CRYM: variants seen among roughly 807,000 people sequenced by gnomAD.
CRYM encodes ketimine reductase mu-crystallin.
In CRYM, 18 loss-of-function variants were observed where a neutral mutation model predicts 32.9. The ratio of observed to expected loss-of-function variants is 0.55; its 90% CI spans 0.38 to 0.81. The LOEUF (loss-of-function observed/expected upper bound fraction) is 0.81. CRYM is among the 30% of genes least tolerant of loss of function. The probability of loss-of-function intolerance (pLI) is 0.00; values close to 1 mark genes in which losing one functional copy is unlikely to be tolerated. For missense variants in CRYM, 337 were observed against 393.5 expected, an observed-to-expected ratio of 0.86 and a Z score of 1.21; for synonymous variants, 153 against 152.4, an observed-to-expected ratio of 1.00 and a Z score of -0.03.
intron 1 of CRYM, among the ~76,000 whole-genome samples, chr16:21,286,597 C>T (rs745617966): frequency 2.0e-5 from 3 of 151,944 alleles, no homozygotes; most frequent in Admixed American, 1.3e-4. Flanking sequence ...TAATGATTAC[C>T]GATAACATAT....
intron 7 of CRYM, among the ~76,000 whole-genome samples, chr16:21,260,731 G>A (rs892083569): frequency 6.6e-6 from 1 of 152,188 alleles, no homozygotes; most frequent in Non-Finnish European, 1.5e-5. Context: ...CAGGTGGTAG[G>A]GGGCTCCCCA....
chr16:21,262,881 C>A (rs1278588754), intron 5 of CRYM, among the ~76,000 whole-genome samples: 1 of 152,158 alleles, frequency 6.6e-6, no homozygotes, highest in Non-Finnish European at 1.5e-5. Flanking sequence ...GAATCCAGGT[C>A]TGAGAGAGCA....
In CRYM at chr16:21,278,117, G is replaced by T. The variant is rs1180636969; in HGVS notation, c.135C>A (p.Pro45=). Reference sequence around the variant, plus strand: ...TGGTCACCGGCACCACGGTGCGCACGGGCTGCATGACCCCTCCTTCGGGAC... The same window carrying T: ...TGGTCACCGGCACCACGGTGCGCACTGGCTGCATGACCCCTCCTTCGGGAC... The part of the protein sequence containing the change: ...SSGPEGGVMQ[P]VRTVVPVTKH... The change falls in exon 1 of 8, where the codon CCC becomes CCA. Residue 45 remains proline, a synonymous_variant. Coordinates refer to ENST00000572914, the MANE Select transcript of CRYM (RefSeq NM_001376256.1). 2 of 1,548,650 alleles carry T rather than the reference G, an allele frequency of 1.3e-6. No homozygotes were observed. The highest frequency in any genetic ancestry group is 4.9e-5 in the East Asian group (2 of 40,898).
chr16:21,301,274 TGGG>T (rs1488517724), intron 1 of CRYM: 1 of 152,332 alleles, frequency 6.6e-6, no homozygotes, highest in East Asian at 1.9e-4. Flanking sequence ...CGGAGAAATG[TGGG>T]GTCGTCCAGG....
chr16:21,273,028 G>A (rs1298095752), intron 3 of CRYM, among the ~76,000 whole-genome samples: 2 of 151,786 alleles, frequency 1.3e-5, no homozygotes, highest in East Asian at 3.9e-4. Context: ...CTACATGAGG[G>A]CAAGTACTGT....
At position 21,301,843 on chromosome 16, in the gene CRYM, C is replaced by G. The variant is rs374069993; in HGVS notation, c.-193+1135G>C. 2.2e-4 allele frequency among the ~76,000 whole-genome samples: 33 copies of G among 152,284 alleles called. 3 individuals are homozygous for G. Among genetic ancestry groups the G allele is most frequent in the East Asian group, 1.7e-3 (9 of 5,158 alleles). On this transcript the variant is annotated intron_variant, in intron 1 of 9. Coordinates refer to the CRYM transcript ENST00000219599. ...GGAGGAGTCCCGCCGGGTGGACGCG[C>G]GCCCTTCAGCGGCGGAGGCGGAGGC...
chr16:21,278,280 C>A lies in CRYM; in HGVS notation c.-29G>T. On this transcript the variant is annotated 5_prime_UTR_variant, in exon 1 of 8. Transcript: ENST00000572914. ...GCCACCTGTGCCTTCTAACCTCAGT[C>A]TCCGCACCGCGATCCACGTACCCTC... 1 of 1,569,222 alleles carries A rather than the reference C, an allele frequency of 6.4e-7. No homozygotes were observed. The highest frequency in any genetic ancestry group is 1.8e-5 in the Admixed American group (1 of 55,530).
intron 1 of CRYM, chr16:21,299,767 T>C (rs1457230367): frequency 1.3e-5 from 2 of 152,174 alleles, no homozygotes; most frequent in Non-Finnish European, 2.9e-5. Flanking sequence ...ACCAAAGAGA[T>C]TGGGTTAGCA....
chr16:21,302,038 A>C (rs1015419528), intron 1 of CRYM, among the ~76,000 whole-genome samples: 1 of 152,214 alleles, frequency 6.6e-6, no homozygotes, highest in Non-Finnish European at 1.5e-5. Flanking sequence ...TCACGCATAT[A>C]AATCCTCCAG....
intron 1 of CRYM, among the ~76,000 whole-genome samples, chr16:21,293,511 A>G (rs922538337): frequency 3.3e-5 from 5 of 152,212 alleles, no homozygotes; most frequent in African/African-American, 1.2e-4. Context: ...AATCCTGGTT[A>G]TAGGGGGAAA....
upstream of CRYM, among the ~76,000 whole-genome samples, chr16:21,282,888 G>T (rs1220297573): frequency 6.6e-6 from 1 of 151,786 alleles, no homozygotes; most frequent in Non-Finnish European, 1.5e-5. Context: ...TTAATAAGTA[G>T]CATATTAAAT....
chr16:21,280,851 T>C (rs1043143932), upstream of CRYM, among the ~76,000 whole-genome samples: 1 of 152,124 alleles, frequency 6.6e-6, no homozygotes, highest in African/African-American at 2.4e-5. Flanking sequence ...ACACCTGTAA[T>C]CCCAGCACTT....
chr16:21,277,301 T>TG lies in CRYM; in HGVS notation c.324+129dup, dbSNP rs1360462936. 1 of 931,666 alleles carries TG rather than the reference T, an allele frequency of 1.1e-6. No homozygotes were observed. The highest frequency in any genetic ancestry group is 1.7e-6 in the Non-Finnish European group (1 of 602,896). 57.7% of individuals were successfully genotyped at this position (931,666 alleles called of 1,614,324 possible). A position where few individuals can be genotyped will look rare whatever the true frequency, so the allele number is the denominator to read the frequency against. On this transcript the variant is annotated intron_variant, in intron 2 of 7. Transcript: ENST00000572914. The surrounding 1 kb of genome is among the most constrained non-coding windows in gnomAD (Gnocchi z 4.2). ...GGACACAGATAACCTTCACTGTTGC[T>TG]GGTATCCAGTCACTTGCAGAGGGGC... is the stretch of plus-strand genomic sequence containing the variant.
intron 1 of CRYM, among the ~76,000 whole-genome samples, chr16:21,299,660 G>A (rs1373167144): frequency 6.6e-6 from 1 of 152,112 alleles, no homozygotes; most frequent in Admixed American, 6.5e-5. Flanking sequence ...AGGTGAACTG[G>A]CTAATATTTG....
intron 5 of CRYM, among the ~76,000 whole-genome samples, chr16:21,265,682 G>A (rs899694635): frequency 2.6e-5 from 4 of 152,208 alleles, no homozygotes; most frequent in South Asian, 2.1e-4. Flanking sequence ...GATTGAATGC[G>A]TCATCATTTG....
intron 1 of CRYM, chr16:21,300,260 A>T (rs181090484): frequency 1.3e-5 from 2 of 152,278 alleles, no homozygotes; most frequent in Admixed American, 6.5e-5. Flanking sequence ...TTTGTCCTCC[A>T]ACATACACTT....
intron 1 of CRYM, among the ~76,000 whole-genome samples, chr16:21,299,470 C>G (rs531882769): frequency 1.3e-5 from 2 of 152,168 alleles, no homozygotes; most frequent in East Asian, 3.9e-4. Context: ...CACCACTGCT[C>G]GGCTAATTTT....
chr16:21,269,946 A>C (rs1440853253), intron 3 of CRYM, 55 bp from the exon 4 acceptor site: 1 of 1,226,746 alleles, frequency 8.2e-7, no homozygotes, highest in Non-Finnish European at 1.2e-6. Flanking sequence ...CAGACGGGTA[A>C]AAAACTAAGA....
In CRYM at chr16:21,267,888, G is replaced by A. The variant is rs77194367; in HGVS notation, c.490-151C>T. The A allele has an allele frequency of 2.5e-3, 1,926 of 778,742 alleles. 34 individuals carry two copies. In the African/African-American group the frequency reaches 0.03, roughly 12 times the overall value. 48.2% of individuals were successfully genotyped at this position (778,742 alleles called of 1,614,324 possible). On this transcript the variant is annotated intron_variant, in intron 4 of 7. Transcript: ENST00000572914. ...TCCTAAATCATTCCCCATGGAGAATGGACATTTGATCAGGGGTACAGCATT... is the reference window on the plus strand; with the variant it reads ...TCCTAAATCATTCCCCATGGAGAATAGACATTTGATCAGGGGTACAGCATT...
Sources: allele counts gnomAD v4.1 joint callset (sites outside exome capture counted in the v4.1 genomes callset), GRCh38; gene constraint gnomAD v4.1.1; non-coding constraint Gnocchi (gnomAD v3.1); transcripts MANE v1.5; gene names NCBI Gene and HGNC (gene_info 2026-07-23, HGNC 2026-07-21).